TENM2: variants seen among roughly 807,000 people sequenced by gnomAD.
The protein encoded by TENM2 is teneurin-2.
TENM2 carries 52 observed loss-of-function variants against 245.2 expected under a neutral mutation model. That is an observed-to-expected ratio of 0.21 (90% CI 0.17 to 0.27). The LOEUF (loss-of-function observed/expected upper bound fraction) is 0.27. Among genes scored for constraint, TENM2 ranks in the 10% least tolerant of loss-of-function variants. TENM2 has a pLI of 1.00. For missense variants in TENM2, 3,046 were observed against 3,666.8 expected (o/e 0.83, Z 4.37); for synonymous variants, 1,363 against 1,438.9 (o/e 0.95, Z 1.19).
At chr5:167,285,837 G>A (rs549269608) in intron 1 of TENM2, among the ~76,000 whole-genome samples, 123 of 152,334 alleles carry the variant, frequency 8.1e-4, no homozygotes, top group African/African-American at 2.9e-3. Context: ...CGAATGCCTC[G>A]GGAAGGGTCA....
intron 2 of TENM2, among the ~76,000 whole-genome samples, chr5:167,713,507 C>G (rs1215604243): frequency 6.6e-6 from 1 of 152,032 alleles, no homozygotes; most frequent in Non-Finnish European, 1.5e-5. Flanking sequence ...AACTCAGGAA[C>G]ACCTCCATGA....
intron 2 of TENM2, among the ~76,000 whole-genome samples, chr5:167,827,635 G>GGT (rs1292912678): frequency 3.7e-5 from 4 of 108,054 alleles, no homozygotes; most frequent in East Asian, 6.8e-4. Context: ...GGGCGGGGGG[G>GGT]GGGGAACAGT....
At chr5:167,424,316 A>G (rs1763687198) in intron 2 of TENM2, among the ~76,000 whole-genome samples, 1 of 151,068 alleles carries the variant, frequency 6.6e-6, no homozygotes, top group South Asian at 2.1e-4. Flanking sequence ...AGCACCCCCC[A>G]CCCCTATTCT....
chr5:167,226,851 T>C, the TENM2 span, among the ~76,000 whole-genome samples: 1 of 152,000 alleles, frequency 6.6e-6, no homozygotes, highest in Non-Finnish European at 1.5e-5. Flanking sequence ...GTTTTATGAA[T>C]CTGGGTGCTC....
chr5:167,711,515 T>C (rs888933510), intron 2 of TENM2, among the ~76,000 whole-genome samples: 2 of 151,832 alleles, frequency 1.3e-5, no homozygotes, highest in African/African-American at 4.9e-5. Flanking sequence ...GCAATCTGCT[T>C]TACAGTGACT....
chr5:168,122,951 C>T (rs968835668), intron 10 of TENM2, among the ~76,000 whole-genome samples: 7 of 152,084 alleles, frequency 4.6e-5, no homozygotes, highest in African/African-American at 1.7e-4. Context: ...TAATTTGTGG[C>T]ATGGATACTC....
At chr5:168,139,518 G>C (rs1167206951) in intron 12 of TENM2, 1 of 456,470 alleles carries the variant, frequency 2.2e-6, no homozygotes, top group Admixed American at 2.3e-5. Context: ...AGAGAAACCA[G>C]TTCTCTTCCC....
the TENM2 span, among the ~76,000 whole-genome samples, chr5:166,995,698 CCCA>C: frequency 2.7e-5 from 4 of 150,634 alleles, no homozygotes; most frequent in Non-Finnish European, 5.9e-5. Context: ...TGCCTATAAT[CCCA>C]GCTACTCGGG....
At chr5:167,677,753 T>C (rs1756431155) in intron 2 of TENM2, among the ~76,000 whole-genome samples, 2 of 149,288 alleles carry the variant, frequency 1.3e-5, no homozygotes, top group African/African-American at 2.4e-5. Context: ...TATATTTATA[T>C]ATGATAATTA....
chr5:167,731,697 G>GTTTT (rs58942656), intron 2 of TENM2, among the ~76,000 whole-genome samples: 1 of 121,684 alleles, frequency 8.2e-6, no homozygotes, highest in African/African-American at 3.0e-5. Flanking sequence ...TTTCTCAGAG[G>GTTTT]TTTTTTTTTT....
chr5:168,162,398 T>G (rs2152451397), intron 12 of TENM2, among the ~76,000 whole-genome samples: 1 of 152,308 alleles, frequency 6.6e-6, no homozygotes, highest in South Asian at 2.1e-4. Flanking sequence ...CTAGGTCAGT[T>G]GTCACTGGGG....
chr5:167,785,030 G>C (rs1176644495), intron 2 of TENM2, among the ~76,000 whole-genome samples: 1 of 151,810 alleles, frequency 6.6e-6, no homozygotes, highest in East Asian at 1.9e-4. Flanking sequence ...ATGCAGCCCT[G>C]CATGGCATTC....
intron 7 of TENM2, among the ~76,000 whole-genome samples, chr5:168,080,684 ATGTACCCAGTAGTCATTCAGGAGCAGGT>A (rs1482139704): frequency 6.6e-6 from 1 of 152,010 alleles, no homozygotes; most frequent in African/African-American, 2.4e-5. Flanking sequence ...TCATTTCGTT[ATGTACCCAGTAGTCATTCAGGAGCAGGT>A]TGTTCAGTTT....
At chr5:167,969,274 T>A (rs1257255562) in intron 4 of TENM2, among the ~76,000 whole-genome samples, 1 of 152,148 alleles carries the variant, frequency 6.6e-6, no homozygotes, top group Non-Finnish European at 1.5e-5. Flanking sequence ...TTTCCCATGC[T>A]CTTCTCGTGG....
At chr5:167,130,610 C>T in the TENM2 span, among the ~76,000 whole-genome samples, 34 of 152,274 alleles carry the variant, frequency 2.2e-4, no homozygotes, top group Admixed American at 8.5e-4. Flanking sequence ...CTGCCATGTC[C>T]GCCAACACAG....
chr5:167,876,023 C>G (rs1406844801), exon 3 of TENM2: 1 of 1,551,610 alleles, frequency 6.4e-7, no homozygotes, highest in Admixed American at 2.0e-5. Context: ...CTAGTCTCCT[C>G]CCATCTGCTC....
the TENM2 span, among the ~76,000 whole-genome samples, chr5:167,264,557 G>T: frequency 1.3e-5 from 2 of 152,090 alleles, no homozygotes; most frequent in Non-Finnish European, 2.9e-5. Flanking sequence ...TTCTGCACTC[G>T]CCTGGCAGCT....
At chr5:167,514,211 A>G (rs1770157889) in intron 2 of TENM2, among the ~76,000 whole-genome samples, 1 of 152,174 alleles carries the variant, frequency 6.6e-6, no homozygotes, top group Non-Finnish European at 1.5e-5. Context: ...CCTACTTTTC[A>G]AAATACTGGA....
intron 2 of TENM2, among the ~76,000 whole-genome samples, chr5:167,807,099 A>G: frequency 7.6e-6 from 1 of 130,922 alleles, no homozygotes; most frequent in Non-Finnish European, 1.6e-5. Context: ...ATTCGACTGC[A>G]CAGTTTGGCC....
Sources: gnomAD v4.1 joint callset for allele counts (sites outside exome capture counted in the v4.1 genomes callset) on GRCh38, gnomAD v4.1.1 for gene constraint, MANE v1.5 for transcripts, NCBI Gene and HGNC (gene_info 2026-07-23, HGNC 2026-07-21) for gene names.